CTNNA2: variants seen among roughly 807,000 people sequenced by gnomAD.
The protein encoded by CTNNA2 is catenin alpha-2.
CTNNA2 carries 42 observed loss-of-function variants against 101.0 expected under a neutral mutation model. The observed-to-expected ratio is 0.42, with a 90% CI of 0.32 to 0.54. The LOEUF (loss-of-function observed/expected upper bound fraction) is 0.54. Among genes scored for constraint, CTNNA2 ranks in the 20% least tolerant of loss-of-function variants. The pLI is 0.14. For missense variants in CTNNA2, 871 were observed against 1,223.1 expected, an observed-to-expected ratio of 0.71 and a Z score of 4.29; for synonymous variants, 450 against 456.4, an observed-to-expected ratio of 0.99 and a Z score of 0.18.
intron 7 of CTNNA2, among the ~76,000 whole-genome samples, chr2:80,347,843 CT>C (rs1244814935): frequency 2.5e-4 from 36 of 145,720 alleles, no homozygotes; most frequent in Non-Finnish European, 2.7e-4. Flanking sequence ...CTTTTCTTTT[CT>C]TTTTTTTTTT....
intron 2 of CTNNA2, among the ~76,000 whole-genome samples, chr2:79,280,540 T>A (rs1675336743): frequency 6.6e-6 from 1 of 152,000 alleles, no homozygotes; most frequent in Non-Finnish European, 1.5e-5. Context: ...TCAACCTCTT[T>A]GGGCTTAAAA....
intron 7 of CTNNA2, among the ~76,000 whole-genome samples, chr2:80,300,332 G>A (rs960020335): frequency 7.3e-6 from 1 of 136,810 alleles, no homozygotes; most frequent in African/African-American, 2.7e-5. Context: ...GTGTGTGTGT[G>A]TAAGAAGCTG....
intron 7 of CTNNA2, among the ~76,000 whole-genome samples, chr2:80,015,019 G>C (rs1234754444): frequency 1.3e-5 from 2 of 152,116 alleles, no homozygotes; most frequent in Admixed American, 1.3e-4. Flanking sequence ...AGCCAAACTG[G>C]ACCAAAAAGT....
In CTNNA2 at chr2:80,555,856, G is replaced by A; in HGVS notation, c.1704G>A (p.Glu568=). Residue 568 remains glutamate (E), a synonymous_variant, in exon 12 of 19, where the codon GAG becomes GAA. Transcript: ENST00000402739. ...ACTATGAAGCTGGGGTTTATACTGA[G>A]AAGGTGTTGGAAGCTACAAAATTGC... ...MENYEAGVYT[E]KVLEATKLLS... 1.3e-6 allele frequency: 2 copies of A among 1,567,876 alleles called. No homozygotes were observed. Among genetic ancestry groups the A allele is most frequent in the Non-Finnish European group, 1.7e-6 (2 of 1,156,172 alleles).
chr2:79,324,789 T>A (rs1676708327), intron 3 of CTNNA2, among the ~76,000 whole-genome samples: 1 of 151,880 alleles, frequency 6.6e-6, no homozygotes, highest in African/African-American at 2.4e-5. Flanking sequence ...TTTCAGGAAA[T>A]AATCTTGAAT....
At chr2:80,364,556 A>ATTTTTTTTTTTTTTT (rs57073635) in intron 7 of CTNNA2, among the ~76,000 whole-genome samples, 2 of 123,516 alleles carry the variant, frequency 1.6e-5, no homozygotes. Flanking sequence ...AGAGAAAGTA[A>ATTTTTTTTTTTTTTT]TTTTTTTTTT....
chr2:79,613,869 C>T (rs897386446), intron 1 of CTNNA2, among the ~76,000 whole-genome samples: 7 of 152,100 alleles, frequency 4.6e-5, no homozygotes, highest in African/African-American at 1.7e-4. Context: ...AAATTAGTCT[C>T]CACACCAATC....
In CTNNA2 at chr2:80,648,509, G is replaced by A. The variant is rs1423443032; in HGVS notation, c.*637G>A. The A allele has an allele frequency of 6.6e-6, 1 of 152,416 alleles. No homozygotes were observed. The highest frequency in any genetic ancestry group is 1.5e-5 in the Non-Finnish European group (1 of 68,012). The allele number at this position is 152,416 out of a possible 1,614,324, so 9.4% of individuals were successfully genotyped here. A position where few individuals can be genotyped will look rare whatever the true frequency, so the allele number is the denominator to read the frequency against. On this transcript the variant is annotated 3_prime_UTR_variant, in exon 19 of 19. Transcript: ENST00000402739. ...ATCATGTTTTTTTCCCCCCTTTAAT[G>A]AAAACAATAAACATCTATTTGAGAC...
intron 2 of CTNNA2, among the ~76,000 whole-genome samples, chr2:79,222,704 T>C (rs7606198): frequency 0.22 from 33,777 of 151,752 alleles, 4,546 homozygotes; most frequent in African/African-American, 0.38. Context: ...TCTCTCTCTG[T>C]TCTTATTATG....
At chr2:79,926,439 G>A (rs1687026088) in intron 7 of CTNNA2, among the ~76,000 whole-genome samples, 1 of 152,022 alleles carries the variant, frequency 6.6e-6, no homozygotes, top group African/African-American at 2.4e-5. Flanking sequence ...TTATTGTGAA[G>A]CATGTTCTTT....
chr2:80,072,064 A>T (rs1023910240), intron 7 of CTNNA2, among the ~76,000 whole-genome samples: 1 of 152,176 alleles, frequency 6.6e-6, no homozygotes, highest in Admixed American at 6.5e-5. Context: ...GCTGGAGTCT[A>T]TAGATAGACA....
At chr2:80,071,996 G>A (rs1698379489) in intron 7 of CTNNA2, among the ~76,000 whole-genome samples, 1 of 152,194 alleles carries the variant, frequency 6.6e-6, no homozygotes, top group Non-Finnish European at 1.5e-5. Flanking sequence ...GCTTTGGCAA[G>A]GGGATCTTAC....
chr2:79,668,056 A>C (rs933839121), intron 2 of CTNNA2, among the ~76,000 whole-genome samples: 2 of 150,128 alleles, frequency 1.3e-5, no homozygotes, highest in African/African-American at 4.9e-5. Context: ...CTGGCTAACA[A>C]GGTGAAACCC....
intron 7 of CTNNA2, 28 bp downstream of exon 7, chr2:79,909,825 T>A (rs781756773): frequency 6.4e-7 from 1 of 1,571,206 alleles, no homozygotes; most frequent in Non-Finnish European, 8.7e-7. Context: ...CATTCTCATG[T>A]CTTGGTGGAT....
chr2:80,374,049 T>A (rs75231699), intron 7 of CTNNA2, among the ~76,000 whole-genome samples: 5,193 of 146,422 alleles, frequency 0.035, 196 homozygotes, highest in African/African-American at 0.1. Context: ...TACCAAAGAC[T>A]GGGAAACTTT....
chr2:79,281,242 G>A (rs1487002619), intron 2 of CTNNA2, among the ~76,000 whole-genome samples: 1 of 152,082 alleles, frequency 6.6e-6, no homozygotes, highest in Non-Finnish European at 1.5e-5. Context: ...GCATTAATCA[G>A]ACTCTCTGAT....
At chr2:80,438,007 C>G (rs1682193267) in intron 9 of CTNNA2, among the ~76,000 whole-genome samples, 1 of 143,026 alleles carries the variant, frequency 7.0e-6, no homozygotes, top group South Asian at 2.2e-4. Flanking sequence ...AAAACTCTGT[C>G]TCAAACAAAC....
intron 3 of CTNNA2, among the ~76,000 whole-genome samples, chr2:79,331,421 A>T (rs1248745991): frequency 3.3e-5 from 5 of 152,148 alleles, no homozygotes; most frequent in Non-Finnish European, 5.9e-5. Context: ...GCCCTAACTT[A>T]TACCCTACCA....
At chr2:79,890,922 C>G (rs1045498365) in intron 6 of CTNNA2, among the ~76,000 whole-genome samples, 6 of 145,074 alleles carry the variant, frequency 4.1e-5, no homozygotes, top group African/African-American at 1.5e-4. Context: ...GGGAGCCCCT[C>G]AAGCCTCTTT....
Sources: gnomAD v4.1 joint callset for allele counts (sites outside exome capture counted in the v4.1 genomes callset) on GRCh38, gnomAD v4.1.1 for gene constraint, MANE v1.5 for transcripts, NCBI Gene and HGNC (gene_info 2026-07-23, HGNC 2026-07-21) for gene names.